MIB1: variants seen among roughly 807,000 people sequenced by gnomAD.
MIB1 encodes E3 ubiquitin-protein ligase MIB1.
In MIB1, 278 loss-of-function variants were observed where a neutral mutation model predicts 124.5. The observed-to-expected ratio is 2.23, with a 90% CI of 2.02 to 2.47. The LOEUF is 2.47. MIB1 is among the 30% of genes most tolerant of loss of function. MIB1 has a pLI of 0.00. For synonymous variants in MIB1, 446 were observed against 429.4 expected (o/e 1.04, Z -0.48); for missense variants, 957 against 1,254.4 (o/e 0.76, Z 3.58).
At chr18:21,738,744 T>C (rs1039911922), upstream of MIB1, among the ~76,000 whole-genome samples, 1 of 134,252 alleles carries the variant, frequency 7.4e-6, no homozygotes, top group African/African-American at 2.8e-5. Flanking sequence ...GAGATGGAGC[T>C]TGCAGTGAGC....
At chr18:21,725,703 G>C (rs2040738470) in intron 1 of MIB1, among the ~76,000 whole-genome samples, 1 of 152,052 alleles carries the variant, frequency 6.6e-6, no homozygotes. Context: ...CTTCCCGAGG[G>C]GAAAGTCAAA....
chr18:21,856,224 G>A (rs575549282), intron 18 of MIB1, among the ~76,000 whole-genome samples: 3 of 133,932 alleles, frequency 2.2e-5, no homozygotes, highest in East Asian at 2.1e-4. Flanking sequence ...GCGACAGAGC[G>A]AGACTCCGTC....
intron 7 of MIB1, among the ~76,000 whole-genome samples, chr18:21,796,969 A>G (rs2041589294): frequency 6.6e-6 from 1 of 152,198 alleles, no homozygotes. Context: ...GCAAAGAAAA[A>G]CATGTACTTG....
In MIB1 at chr18:21,838,462, AAT is replaced by A; in HGVS notation, c.1928_1929del (p.Asn643ThrfsTer6). The A allele has an allele frequency of 6.2e-7, 1 of 1,610,918 alleles. No homozygotes were observed. The highest frequency in any genetic ancestry group is 8.5e-7 in the Non-Finnish European group (1 of 1,178,424). Reference sequence around the variant, plus strand: ...TGCCTTACATCTGGCTGCCCTTAATAATCACGTAGAAGTGGCTGAACTGTTGG... The same window carrying A: ...TGCCTTACATCTGGCTGCCCTTAATACACGTAGAAGTGGCTGAACTGTTGG... ...YTALHLAALN[N>X]HVEVAELLVH... On this transcript the variant is annotated frameshift_variant, in exon 13 of 21. Coordinates refer to ENST00000261537, the MANE Select transcript of MIB1 (RefSeq NM_020774.4). LOFTEE classifies it high-confidence loss of function.
intron 6 of MIB1, among the ~76,000 whole-genome samples, chr18:21,783,305 C>T (rs1233720705): frequency 6.6e-6 from 1 of 150,948 alleles, no homozygotes; most frequent in African/African-American, 2.4e-5. Flanking sequence ...TGCAGTGGGA[C>T]GATATTGGCT....
Position 21,815,049 on chromosome 18 carries a change from AT to A in MIB1, c.1480-566del, listed in dbSNP as rs1246010683. On this transcript the variant is annotated intron_variant, in intron 10 of 20. Coordinates refer to ENST00000261537, the MANE Select transcript of MIB1 (RefSeq NM_020774.4). ...TATATATATATATATATATATATATATATATATAAAATTATATATAAATGTA... is the reference window on the plus strand; with the variant it reads ...TATATATATATATATATATATATATAATATATAAAATTATATATAAATGTA... Among the ~76,000 whole-genome samples, 13 of 131,130 alleles carry A rather than the reference AT, an allele frequency of 9.9e-5. No individual in the cohort carries two copies. The East Asian group carries it at 1.5e-3, about 15-fold the overall frequency. 86.0% of individuals were successfully genotyped at this position (131,130 alleles called of 152,430 possible). A position where few individuals can be genotyped will look rare whatever the true frequency, so the allele number is the denominator to read the frequency against.
chr18:21,719,710 G>A (rs920523368), intron 1 of MIB1, among the ~76,000 whole-genome samples: 2 of 151,314 alleles, frequency 1.3e-5, no homozygotes, highest in African/African-American at 4.9e-5. Flanking sequence ...GCCCTCCTTG[G>A]CCTCCCAAAG....
intron 1 of MIB1, among the ~76,000 whole-genome samples, chr18:21,728,124 C>T (rs1227664138): frequency 6.6e-6 from 1 of 152,192 alleles, no homozygotes; most frequent in Admixed American, 6.5e-5. Flanking sequence ...AACTACCCAC[C>T]ACCCCCAACC....
chr18:21,724,723 AAAAAAT>A (rs1329213392), intron 1 of MIB1, among the ~76,000 whole-genome samples: 41 of 53,830 alleles, frequency 7.6e-4, no homozygotes, highest in Non-Finnish European at 1.0e-3. Context: ...AAAAAAAAAA[AAAAAAT>A]ATATATATAT....
intron 19 of MIB1, among the ~76,000 whole-genome samples, chr18:21,857,634 T>G (rs1598645794): frequency 6.6e-6 from 1 of 152,240 alleles, no homozygotes; most frequent in East Asian, 1.9e-4. Flanking sequence ...TGCAACAGGT[T>G]TATTTGCTTC....
chr18:21,774,923 T>TTATTTATA (rs2041264340), intron 4 of MIB1, among the ~76,000 whole-genome samples: 1 of 66,236 alleles, frequency 1.5e-5, no homozygotes, highest in African/African-American at 3.3e-5. Flanking sequence ...TATTTCCATT[T>TTATTTATA]TATTTATTTA....
intron 1 of MIB1, among the ~76,000 whole-genome samples, chr18:21,724,867 C>G (rs2040734150): frequency 7.0e-6 from 1 of 142,780 alleles, no homozygotes; most frequent in Admixed American, 7.1e-5. Flanking sequence ...CCGAGGCGGG[C>G]GGATCACGAG....
intron 1 of MIB1, among the ~76,000 whole-genome samples, chr18:21,751,536 A>G (rs2146387805): frequency 6.6e-6 from 1 of 152,294 alleles, no homozygotes; most frequent in African/African-American, 2.4e-5. Flanking sequence ...TGCTGGGATT[A>G]CAGGCGTGAC....
chr18:21,796,117 G>A (rs558396472), intron 7 of MIB1, among the ~76,000 whole-genome samples: 1 of 139,996 alleles, frequency 7.1e-6, no homozygotes, highest in Admixed American at 7.3e-5. Flanking sequence ...TGATGGGGTC[G>A]TTTGTTTTTT....
chr18:21,811,303 A>G (rs1048208293), intron 10 of MIB1, among the ~76,000 whole-genome samples: 2 of 152,204 alleles, frequency 1.3e-5, no homozygotes, highest in Non-Finnish European at 2.9e-5. Flanking sequence ...GCTGAAAAGA[A>G]TATGACAGTT....
chr18:21,778,129 C>T lies in MIB1; in HGVS notation c.663C>T (p.Ala221=), dbSNP rs986453966. The T allele has an allele frequency of 3.7e-6, 6 of 1,612,446 alleles. No individual in the cohort carries two copies. In the African/African-American group the frequency reaches 8.0e-5, roughly 22 times the overall value. Residue 221 remains alanine, a synonymous_variant, in exon 5 of 21, where the codon GCC becomes GCT. Transcript: ENST00000261537. ...CTGATCTGAAATGTGTCCAGGATGC[C>T]AAGGGAGGTTCTTTCTACAGAGATC... is the stretch of plus-strand genomic sequence containing the variant. The part of the protein sequence containing the change: ...GMSDLKCVQD[A]KGGSFYRDHC...
chr18:21,730,600 C>T (rs1243294629), intron 1 of MIB1, among the ~76,000 whole-genome samples: 2 of 152,112 alleles, frequency 1.3e-5, no homozygotes, highest in African/African-American at 4.8e-5. Context: ...TTTTGTTGTT[C>T]TCTGTCTCAA....
At chr18:21,845,779 A>C (rs1331715402) in intron 15 of MIB1, among the ~76,000 whole-genome samples, 1 of 151,972 alleles carries the variant, frequency 6.6e-6, no homozygotes, top group South Asian at 2.1e-4. Context: ...GCACACCACC[A>C]CACCTGGCTA....
At chr18:21,836,478 G>A (rs79770911) in intron 12 of MIB1, among the ~76,000 whole-genome samples, 20,633 of 151,930 alleles carry the variant, frequency 0.14, 1,688 homozygotes, top group African/African-American at 0.22. Context: ...TGTCTTCTGC[G>A]TCATCCCTCC....
Sources: gnomAD v4.1 joint callset for allele counts (sites outside exome capture counted in the v4.1 genomes callset) on GRCh38, gnomAD v4.1.1 for gene constraint, MANE v1.5 for transcripts, NCBI Gene and HGNC (gene_info 2026-07-23, HGNC 2026-07-21) for gene names.